ITPR2: variants seen among roughly 807,000 people sequenced by gnomAD.
The protein encoded by ITPR2 is inositol 1,4,5-trisphosphate receptor type 2.
ITPR2 carries 207 observed loss-of-function variants against 317.1 expected under a neutral mutation model. That is an observed-to-expected ratio of 0.65 (90% CI 0.58 to 0.73). The LOEUF is 0.73. Among genes scored for constraint, ITPR2 ranks in the 30% least tolerant of loss-of-function variants. ITPR2 has a pLI of 0.00. For synonymous variants in ITPR2, 1,156 were observed against 1,149.1 expected (o/e 1.01, Z -0.12); for missense variants, 2,613 against 3,284.0 (o/e 0.80, Z 4.99).
chr12:26,718,080 A>G (rs1948771858), intron 5 of ITPR2, among the ~76,000 whole-genome samples: 1 of 152,178 alleles, frequency 6.6e-6, no homozygotes, highest in Non-Finnish European at 1.5e-5. Flanking sequence ...CTAAAAAACA[A>G]AAACAAAAAC....
At chr12:26,561,132 A>G (rs1209421249) in intron 35 of ITPR2, among the ~76,000 whole-genome samples, 1 of 152,236 alleles carries the variant, frequency 6.6e-6, no homozygotes, top group Admixed American at 6.5e-5. Flanking sequence ...ATTAGGACAC[A>G]GACATGTGCA....
chr12:26,833,137 G>A lies in ITPR2; in HGVS notation c.-356C>T. ...TCCTTCCCTCTCCGCTCCCCACTCCGTGTCCACTCCCTGCTCTGCGACCCG... is the reference window on the plus strand; with the variant it reads ...TCCTTCCCTCTCCGCTCCCCACTCCATGTCCACTCCCTGCTCTGCGACCCG... On this transcript the variant is annotated 5_prime_UTR_variant, in exon 1 of 57. It adds an upstream start codon to the 5' untranslated region. Transcript: ENST00000381340. 4.0e-6 allele frequency: 1 copy of A among 250,802 alleles called. No homozygotes were observed. 15.5% of individuals were successfully genotyped at this position (250,802 alleles called of 1,614,324 possible).
intron 55 of ITPR2, among the ~76,000 whole-genome samples, chr12:26,371,210 A>T (rs1939178894): frequency 6.6e-6 from 1 of 152,040 alleles, no homozygotes; most frequent in African/African-American, 2.4e-5. Context: ...AGTCACCCAA[A>T]CTCAAAACCT....
chr12:26,771,476 T>C (rs11048678), intron 2 of ITPR2, among the ~76,000 whole-genome samples: 4,024 of 152,216 alleles, frequency 0.026, 179 homozygotes, highest in African/African-American at 0.09. Context: ...ATAGAAGTCA[T>C]TGTGGGTTGT....
At chr12:26,441,355 A>T (rs1941484492) in intron 46 of ITPR2, among the ~76,000 whole-genome samples, 2 of 152,188 alleles carry the variant, frequency 1.3e-5, no homozygotes, top group South Asian at 2.1e-4. Context: ...TATTCTCAAT[A>T]ACATGAATTG....
chr12:26,399,719 G>T (rs1172335720), intron 53 of ITPR2, among the ~76,000 whole-genome samples: 1 of 152,154 alleles, frequency 6.6e-6, no homozygotes, highest in Admixed American at 6.5e-5. Flanking sequence ...GTTAGAATTT[G>T]CTCAAATGTT....
intron 2 of ITPR2, among the ~76,000 whole-genome samples, chr12:26,770,108 G>A (rs955114814): frequency 1.3e-5 from 2 of 152,118 alleles, no homozygotes; most frequent in African/African-American, 4.8e-5. Flanking sequence ...CTGTTATAAG[G>A]ATCATCCTTT....
intron 2 of ITPR2, among the ~76,000 whole-genome samples, chr12:26,783,862 A>C (rs554998545): frequency 1.3e-5 from 2 of 152,306 alleles, no homozygotes; most frequent in East Asian, 3.9e-4. Context: ...AGTACTCTTC[A>C]AAAGTATCAA....
At chr12:26,816,702 G>A (rs1208815398) in intron 1 of ITPR2, among the ~76,000 whole-genome samples, 2 of 152,124 alleles carry the variant, frequency 1.3e-5, no homozygotes, top group Admixed American at 6.5e-5. Flanking sequence ...TTTTGTGAAG[G>A]AAAAGAATAT....
At chr12:26,818,639 G>T (rs539173917) in intron 1 of ITPR2, among the ~76,000 whole-genome samples, 9 of 151,952 alleles carry the variant, frequency 5.9e-5, no homozygotes, top group Non-Finnish European at 1.2e-4. Flanking sequence ...GACTTAAAAG[G>T]TCACTTAATA....
chr12:26,572,559 T>TTG (rs1334394908), intron 34 of ITPR2, among the ~76,000 whole-genome samples: 1 of 152,204 alleles, frequency 6.6e-6, no homozygotes, highest in East Asian at 1.9e-4. Context: ...CTGAAGCCAG[T>TTG]TGACTAGGGT....
At chr12:26,407,422 T>G (rs897748046) in intron 52 of ITPR2, among the ~76,000 whole-genome samples, 1 of 152,116 alleles carries the variant, frequency 6.6e-6, no homozygotes, top group Non-Finnish European at 1.5e-5. Context: ...CACTAGATGC[T>G]AGTAGCACCC....
intron 14 of ITPR2, among the ~76,000 whole-genome samples, chr12:26,665,253 A>C (rs1167838117): frequency 6.6e-6 from 1 of 152,222 alleles, no homozygotes; most frequent in Non-Finnish European, 1.5e-5. Flanking sequence ...AGAAGTAGGA[A>C]GCAGATGGAG....
At position 26,399,002 on chromosome 12, in the gene ITPR2, AAAG is replaced by A; in HGVS notation, c.7567_7569del (p.Leu2523del). ...ACAATAATGATAACAATGAAATAAA[AAAG>A]AAGGTCATAAACCACTCGGGCAGCA... On this transcript the variant is annotated inframe_deletion, in exon 54 of 57. Coordinates refer to ENST00000381340, the MANE Select transcript of ITPR2 (RefSeq NM_002223.4). The A allele has an allele frequency of 2.5e-6, 4 of 1,603,378 alleles. No homozygotes were observed. The highest frequency in any genetic ancestry group is 3.4e-6 in the Non-Finnish European group (4 of 1,177,604).
At chr12:26,478,069 C>T (rs1333974844) in intron 43 of ITPR2, among the ~76,000 whole-genome samples, 2 of 152,108 alleles carry the variant, frequency 1.3e-5, no homozygotes, top group East Asian at 3.8e-4. Context: ...TGTGTTTGGT[C>T]TAAACAAATA....
chr12:26,453,883 T>C (rs74072168), intron 45 of ITPR2, among the ~76,000 whole-genome samples: 1,699 of 152,334 alleles, frequency 0.011, 25 homozygotes, highest in African/African-American at 0.038. Context: ...GATTTTAATA[T>C]GTCCTCCATC....
intron 49 of ITPR2, among the ~76,000 whole-genome samples, chr12:26,425,203 C>T (rs974302544): frequency 2.0e-5 from 3 of 152,084 alleles, no homozygotes; most frequent in Non-Finnish European, 4.4e-5. Flanking sequence ...CTCAGCCTCC[C>T]AAAGTATTGG....
At chr12:26,615,868 T>C (rs957788781) in intron 26 of ITPR2, among the ~76,000 whole-genome samples, 1 of 152,060 alleles carries the variant, frequency 6.6e-6, no homozygotes, top group African/African-American at 2.4e-5. Flanking sequence ...ATAAAAATAT[T>C]ATTAAATATA....
chr12:26,433,864 T>C (rs897969728), intron 48 of ITPR2, among the ~76,000 whole-genome samples: 1 of 152,184 alleles, frequency 6.6e-6, no homozygotes, highest in Admixed American at 6.5e-5. Context: ...CAGGAAACTA[T>C]AGAGTCTGCA....
Sources: gnomAD v4.1 joint callset for allele counts (sites outside exome capture counted in the v4.1 genomes callset) on GRCh38, gnomAD v4.1.1 for gene constraint, MANE v1.5 for transcripts, NCBI Gene and HGNC (gene_info 2026-07-23, HGNC 2026-07-21) for gene names.